The following KLF12 variants were observed in gnomAD, a reference collection of about 807,000 sequenced individuals.
The protein encoded by KLF12 is KLF transcription factor 12.
A neutral mutation model predicts 37.8 loss-of-function variants in KLF12; 9 were observed. The ratio of observed to expected loss-of-function variants is 0.24; its 90% confidence interval spans 0.14 to 0.42. KLF12 has a LOEUF of 0.42. Among genes scored for constraint, KLF12 ranks in the 10% least tolerant of loss-of-function variants. The probability of loss-of-function intolerance (pLI) is 1.00; values close to 1 mark genes in which losing one functional copy is unlikely to be tolerated. For synonymous variants in KLF12, 208 were observed against 202.1 expected (o/e 1.03, Z -0.25); for missense variants, 411 against 516.0 (o/e 0.80, Z 1.97).
chr13:73,716,346 T>C (rs149874286), intron 6 of KLF12, among the ~76,000 whole-genome samples: 1 of 152,224 alleles, frequency 6.6e-6, no homozygotes, highest in Admixed American at 6.5e-5. Flanking sequence ...TTTAGTACCA[T>C]GACATTCTTT....
chr13:74,284,184 T>C, the KLF12 span, among the ~76,000 whole-genome samples: 2 of 152,052 alleles, frequency 1.3e-5, no homozygotes, highest in Non-Finnish European at 2.9e-5. Flanking sequence ...ATAAGTTCCT[T>C]GGAGTCCTTG....
At chr13:73,725,416 T>C (rs1876587929) in intron 6 of KLF12, among the ~76,000 whole-genome samples, 1 of 152,178 alleles carries the variant, frequency 6.6e-6, no homozygotes, top group Non-Finnish European at 1.5e-5. Context: ...TTTTTAAATG[T>C]AGGTATTATG....
At chr13:74,178,028 A>T in the KLF12 span, among the ~76,000 whole-genome samples, 2 of 152,200 alleles carry the variant, frequency 1.3e-5, no homozygotes, top group Non-Finnish European at 2.9e-5. Context: ...ACATACAAAA[A>T]TCTGGAGTCA....
intron 1 of KLF12, among the ~76,000 whole-genome samples, chr13:74,049,972 TTTG>T (rs3079826): frequency 0.69 from 105,083 of 151,232 alleles, 36,729 homozygotes; most frequent in East Asian, 0.85. Flanking sequence ...TGATGGTGGT[TTTG>T]TTGTTGTTGT....
intron 3 of KLF12, among the ~76,000 whole-genome samples, chr13:73,879,418 AAG>A (rs1243060060): frequency 6.6e-6 from 1 of 152,232 alleles, no homozygotes; most frequent in African/African-American, 2.4e-5. Flanking sequence ...GAGTCACAAA[AAG>A]AAAACATAAC....
intron 1 of KLF12, among the ~76,000 whole-genome samples, chr13:74,029,620 G>A (rs937202691): frequency 6.6e-6 from 1 of 152,036 alleles, no homozygotes; most frequent in African/African-American, 2.4e-5. Context: ...TAGGCATCCA[G>A]GGTACCTAGT....
At chr13:73,851,259 G>A (rs73537919) in intron 3 of KLF12, among the ~76,000 whole-genome samples, 12,805 of 152,192 alleles carry the variant, frequency 0.084, 975 homozygotes, top group African/African-American at 0.19. Flanking sequence ...TGAATGTAGC[G>A]TAAGATATAT....
intron 4 of KLF12, chr13:73,844,854 CATT>C (rs1424027491): frequency 6.6e-6 from 1 of 152,134 alleles, no homozygotes; most frequent in Non-Finnish European, 1.5e-5. Flanking sequence ...CTTAATCCAT[CATT>C]ATTTCTAGGC....
chr13:74,173,184 A>G, the KLF12 span, among the ~76,000 whole-genome samples: 28 of 152,342 alleles, frequency 1.8e-4, 1 homozygote, highest in East Asian at 5.0e-3. Context: ...ATGATTGACA[A>G]TCATCACTGG....
At chr13:74,105,205 T>C in intron 1 of KLF12, among the ~76,000 whole-genome samples, 1 of 152,156 alleles carries the variant, frequency 6.6e-6, no homozygotes. Context: ...ATAAGAAAGA[T>C]CTGGAGACAC....
chr13:74,201,306 T>C, the KLF12 span, among the ~76,000 whole-genome samples: 1 of 152,204 alleles, frequency 6.6e-6, no homozygotes, highest in Admixed American at 6.5e-5. Context: ...CCAGTCTGTA[T>C]TGGTCACATC....
chr13:73,838,006 A>G (rs1026331467), intron 4 of KLF12, among the ~76,000 whole-genome samples: 6 of 152,202 alleles, frequency 3.9e-5, no homozygotes, highest in Non-Finnish European at 5.9e-5. Context: ...ATCTCTAGCA[A>G]CTGAGTACAG....
At chr13:73,849,797 G>T (rs1188781594) in intron 3 of KLF12, among the ~76,000 whole-genome samples, 3 of 152,104 alleles carry the variant, frequency 2.0e-5, no homozygotes, top group African/African-American at 7.2e-5. Flanking sequence ...ACTAAGTGGG[G>T]TTTTTTTGTT....
chr13:74,069,493 C>T (rs1005494565), intron 1 of KLF12, among the ~76,000 whole-genome samples: 10 of 152,132 alleles, frequency 6.6e-5, no homozygotes, highest in Non-Finnish European at 1.5e-4. Flanking sequence ...AGCAACACCA[C>T]AGGTCCAGGT....
intron 1 of KLF12, among the ~76,000 whole-genome samples, chr13:74,105,560 G>A (rs1363416501): frequency 6.6e-6 from 1 of 151,958 alleles, no homozygotes; most frequent in Non-Finnish European, 1.5e-5. Context: ...GGGCATAGAC[G>A]GGTAGAGAAG....
At chr13:73,976,162 T>TC (rs68064201) in intron 2 of KLF12, among the ~76,000 whole-genome samples, 2 of 150,662 alleles carry the variant, frequency 1.3e-5, no homozygotes, top group African/African-American at 4.9e-5. Context: ...GTTTTTTTTT[T>TC]CCCCCCACAG....
intron 1 of KLF12, among the ~76,000 whole-genome samples, chr13:74,041,354 G>A (rs1349448921): frequency 1.3e-5 from 2 of 152,130 alleles, no homozygotes; most frequent in African/African-American, 4.8e-5. Context: ...GACTGGCTTT[G>A]TCCCACACAG....
chr13:74,237,651 A>C, the KLF12 span, among the ~76,000 whole-genome samples: 392 of 150,420 alleles, frequency 2.6e-3, no homozygotes, highest in African/African-American at 8.5e-3. Context: ...TTGAAGAGGT[A>C]CTTCACATCC....
At chr13:74,285,426 A>T in the KLF12 span, among the ~76,000 whole-genome samples, 1 of 152,232 alleles carries the variant, frequency 6.6e-6, no homozygotes, top group East Asian at 1.9e-4. Flanking sequence ...CATTTCTCTC[A>T]TAAAACAGAA....
Sources: allele counts gnomAD v4.1 joint callset (sites outside exome capture counted in the v4.1 genomes callset), GRCh38; gene constraint gnomAD v4.1.1; transcripts MANE v1.5; gene names NCBI Gene and HGNC (gene_info 2026-07-23, HGNC 2026-07-21).